The following SLC22A14 variants were observed in gnomAD, a reference collection of about 807,000 sequenced individuals.
SLC22A14 encodes the protein solute carrier family 22 member 14, also known as organic cation transporter-like 4.
A neutral mutation model predicts 53.9 loss-of-function variants in SLC22A14; 50 were observed. The observed-to-expected ratio is 0.93, with a 90% CI of 0.74 to 1.17. The LOEUF (loss-of-function observed/expected upper bound fraction) is 1.17. SLC22A14 is among the 50% of genes most tolerant of loss of function. The probability of loss-of-function intolerance (pLI) is 0.00; values close to 1 mark genes in which losing one functional copy is unlikely to be tolerated. For synonymous variants in SLC22A14, 312 were observed against 303.0 expected, an observed-to-expected ratio of 1.03 and a Z score of -0.31; for missense variants, 671 against 734.7, an observed-to-expected ratio of 0.91 and a Z score of 1.00.
chr3:38,318,135 C>A, intron 10 of SLC22A14, 63 bp from the exon 11 acceptor site: 2 of 1,496,914 alleles, frequency 1.3e-6, no homozygotes, highest in Non-Finnish European at 1.9e-6. Flanking sequence ...AGGCACAAGC[C>A]GCTGCTTTTC....
At chr3:38,310,057 T>C (rs1007387059) in intron 5 of SLC22A14, among the ~76,000 whole-genome samples, 2 of 152,106 alleles carry the variant, frequency 1.3e-5, no homozygotes, top group African/African-American at 4.8e-5. Flanking sequence ...CTGTACCATA[T>C]GTAGTAAGAA....
intron 1 of SLC22A14, among the ~76,000 whole-genome samples, chr3:38,300,910 G>A (rs1205661090): frequency 6.6e-6 from 1 of 152,188 alleles, no homozygotes; most frequent in African/African-American, 2.4e-5. Flanking sequence ...CTGGGCTCAA[G>A]CTATCAGGAA....
At chr3:38,308,929 T>G in intron 4 of SLC22A14, 25 bp from the exon 5 acceptor site, 8 of 1,609,744 alleles carry the variant, frequency 5.0e-6, no homozygotes, top group Non-Finnish European at 5.9e-6. Context: ...GTAACCATGG[T>G]TTTGTCCTCT....
intron 1 of SLC22A14, among the ~76,000 whole-genome samples, chr3:38,300,081 G>A (rs1704127147): frequency 6.6e-6 from 1 of 152,194 alleles, no homozygotes; most frequent in African/African-American, 2.4e-5. Flanking sequence ...TTTTTTAAGT[G>A]TATCAGTGGT....
chr3:38,295,482 A>G (rs1027504156), intron 1 of SLC22A14, among the ~76,000 whole-genome samples: 1 of 152,106 alleles, frequency 6.6e-6, no homozygotes, highest in Admixed American at 6.5e-5. Flanking sequence ...TTTTGATAGG[A>G]AGGCTATGGG....
chr3:38,287,936 A>G (rs1448850667), intron 1 of SLC22A14, among the ~76,000 whole-genome samples: 2 of 152,206 alleles, frequency 1.3e-5, no homozygotes, highest in African/African-American at 4.8e-5. Flanking sequence ...TTAAAATGTA[A>G]TATATACACA....
At chr3:38,290,974 A>G (rs902129527) in intron 1 of SLC22A14, among the ~76,000 whole-genome samples, 1 of 152,054 alleles carries the variant, frequency 6.6e-6, no homozygotes, top group African/African-American at 2.4e-5. Flanking sequence ...TGGCTTCCTG[A>G]TGTTTGATAG....
intron 10 of SLC22A14, among the ~76,000 whole-genome samples, chr3:38,316,773 T>A (rs981430097): frequency 6.6e-6 from 1 of 152,186 alleles, no homozygotes; most frequent in African/African-American, 2.4e-5. Flanking sequence ...CTCCTTTCCT[T>A]GCCCCTGCCT....
At chr3:38,283,879 T>C (rs1186604335) in intron 1 of SLC22A14, among the ~76,000 whole-genome samples, 1 of 152,056 alleles carries the variant, frequency 6.6e-6, no homozygotes, top group African/African-American at 2.4e-5. Flanking sequence ...GAGCAGACTC[T>C]CAGTCTAAAG....
At chr3:38,318,086 A>G in intron 10 of SLC22A14, 112 bp from the exon 11 acceptor site, 1 of 941,760 alleles carries the variant, frequency 1.1e-6, no homozygotes, top group East Asian at 2.4e-5. Flanking sequence ...GGAGTGAGAA[A>G]GCCTCACCTC....
intron 1 of SLC22A14, among the ~76,000 whole-genome samples, chr3:38,282,633 G>T (rs1268620265): frequency 6.6e-6 from 1 of 152,144 alleles, no homozygotes; most frequent in Non-Finnish European, 1.5e-5. Flanking sequence ...CACATTGAGA[G>T]CCAATTGCCT....
At chr3:38,315,462 C>A in intron 8 of SLC22A14, 96 bp from the exon 9 acceptor site, 2 of 1,315,764 alleles carry the variant, frequency 1.5e-6, no homozygotes, top group Non-Finnish European at 2.1e-6. Flanking sequence ...CCTGAGCCTG[C>A]TGGCCAGCTG....
intron 1 of SLC22A14, among the ~76,000 whole-genome samples, chr3:38,291,520 A>T (rs1703913486): frequency 6.6e-6 from 1 of 152,074 alleles, no homozygotes; most frequent in African/African-American, 2.4e-5. Context: ...ACACAGTAAG[A>T]TTTCTTCCCT....
chr3:38,286,630 C>T (rs1367046478), intron 1 of SLC22A14, among the ~76,000 whole-genome samples: 1 of 151,862 alleles, frequency 6.6e-6, no homozygotes, highest in Non-Finnish European at 1.5e-5. Context: ...AGTCTGGTGT[C>T]GAACTCCTGA....
Position 38,306,269 on chromosome 3 carries a change from C to T in SLC22A14, c.243C>T (p.Ala81=). ...CCTTTATCCCCAGCATCATGTCGGC[C>T]TTCTTCATGTTTGCTGACCACTTCG... ...ALTFIPSIMS[A]FFMFADHFVF... is the part of the protein sequence containing the mutation. Residue 81 remains alanine (A), a synonymous_variant, in exon 2 of 11, where the codon GCC becomes GCT. Coordinates refer to ENST00000448498, the MANE Select transcript of SLC22A14 (RefSeq NM_001320033.2). The T allele has an allele frequency of 6.2e-7, 1 of 1,614,204 alleles. No individual in the cohort carries two copies. Among genetic ancestry groups the T allele is most frequent in the South Asian group, 1.1e-5 (1 of 91,084 alleles).
chr3:38,295,742 C>CTCTCCTCCCTG, intron 1 of SLC22A14, among the ~76,000 whole-genome samples: 1 of 133,122 alleles, frequency 7.5e-6, no homozygotes, highest in Non-Finnish European at 1.6e-5. Flanking sequence ...CTCTCTGTCT[C>CTCTCCTCCCTG]TCTCTCTCCT....
At chr3:38,316,239 AGT>A (rs1366079992) in intron 9 of SLC22A14, 83 bp from the exon 10 acceptor site, 2 of 1,144,354 alleles carry the variant, frequency 1.7e-6, no homozygotes, top group Non-Finnish European at 2.6e-6. Flanking sequence ...GAGACTGGAG[AGT>A]GTGGGTTTTC....
rs557429344 is a variant in SLC22A14 at position 38,300,965 on chromosome 3, A to G, written c.1-5062A>G. Among the ~76,000 whole-genome samples, 5 of 152,224 alleles carry G rather than the reference A, an allele frequency of 3.3e-5. No homozygotes were observed. In the South Asian group the frequency reaches 1.0e-3, roughly 32 times the overall value. On this transcript the variant is annotated intron_variant, in intron 1 of 10. Transcript: ENST00000448498. ...GCTAGGACTACAAGTGTATTCCACC[A>G]TGCCTGGCTAATTTTTTTGTTTGTT...
At chr3:38,296,760 C>T (rs748708606) in intron 1 of SLC22A14, among the ~76,000 whole-genome samples, 1 of 152,188 alleles carries the variant, frequency 6.6e-6, no homozygotes. Flanking sequence ...TGGAACCCAG[C>T]GACTAGTGTT....
Sources: allele counts gnomAD v4.1 joint callset (sites outside exome capture counted in the v4.1 genomes callset), GRCh38; gene constraint gnomAD v4.1.1; transcripts MANE v1.5; gene names NCBI Gene and HGNC (gene_info 2026-07-23, HGNC 2026-07-21).